ITGA11: variants seen among roughly 807,000 people sequenced by gnomAD.
ITGA11 encodes the protein integrin alpha-11.
ITGA11 carries 97 observed loss-of-function variants against 141.9 expected under a neutral mutation model. The ratio of observed to expected loss-of-function variants is 0.68; its 90% CI spans 0.58 to 0.81. ITGA11 has a LOEUF of 0.81. ITGA11 is among the 30% of genes least tolerant of loss of function. The probability of loss-of-function intolerance (pLI) is 0.00; values close to 1 mark genes in which losing one functional copy is unlikely to be tolerated. For synonymous variants in ITGA11, 658 were observed against 624.6 expected (o/e 1.05, Z -0.80); for missense variants, 1,387 against 1,559.2 (o/e 0.89, Z 1.86).
rs751189025 is a variant in ITGA11 at position 68,369,254 on chromosome 15, A to C, written c.195T>G (p.Asn65Lys). 1 of 1,613,756 alleles carries C rather than the reference A, an allele frequency of 6.2e-7. No homozygotes were observed. Among genetic ancestry groups the C allele is most frequent in the Non-Finnish European group, 8.5e-7 (1 of 1,179,846 alleles). Reference sequence around the variant, plus strand: ...ACACGTCTCCCGTCTTCTGGTAGCCATTGGTTTCCAGTGGGGCGCCCACGA... The same window carrying C: ...ACACGTCTCCCGTCTTCTGGTAGCCCTTGGTTTCCAGTGGGGCGCCCACGA... ...WLVVGAPLET[N>K]GYQKTGDVYK... The change falls in exon 3 of 30, where the codon AAT (asparagine) becomes AAG (lysine). Residue 65 changes from asparagine (N) to lysine (K), a missense_variant. By Grantham distance (94) the Asn-to-Lys change is moderately conservative. Transcript: ENST00000315757.
intron 2 of ITGA11, among the ~76,000 whole-genome samples, chr15:68,370,921 C>T (rs1595881863): frequency 6.6e-6 from 1 of 152,178 alleles, no homozygotes; most frequent in Non-Finnish European, 1.5e-5. Flanking sequence ...CCATTGCTCT[C>T]CCTGCCCCGG....
At chr15:68,340,745 C>T (rs887763816) in intron 10 of ITGA11, 1 of 152,238 alleles carries the variant, frequency 6.6e-6, no homozygotes, top group Non-Finnish European at 1.5e-5. Context: ...GGTCCACTCA[C>T]CCTCTCTCTC....
In ITGA11 at chr15:68,307,320, C is replaced by T. The variant is rs776198591; in HGVS notation, c.3381+28G>A. The T allele has an allele frequency of 3.3e-6, 5 of 1,511,180 alleles. No individual in the cohort carries two copies. The highest frequency in any genetic ancestry group is 4.5e-6 in the Non-Finnish European group (5 of 1,110,708). The allele number at this position is 1,511,180 out of a possible 1,614,324, so 93.6% of individuals were successfully genotyped here. A position where few individuals can be genotyped will look rare whatever the true frequency, so the allele number is the denominator to read the frequency against. The stretch of plus-strand genomic sequence containing the variant: ...TTTCCCAAGCTGTCCGGCCTAAGCC[C>T]AGTTCTGCAGGGCTCCCAGGGGCTC... On this transcript the variant is annotated intron_variant, in intron 28 of 29. Coordinates refer to ENST00000315757, the MANE Select transcript of ITGA11 (RefSeq NM_001004439.2). The surrounding 1 kb of genome is among the most constrained non-coding windows in gnomAD (Gnocchi z 6.1).
intron 22 of ITGA11, 129 bp from the exon 23 acceptor site, chr15:68,313,997 A>G: frequency 1.5e-6 from 1 of 685,594 alleles, no homozygotes; most frequent in Non-Finnish European, 2.6e-6. Flanking sequence ...GACAGGCCAG[A>G]CAGGGAACCT....
In ITGA11 at chr15:68,303,268, C is replaced by A; in HGVS notation, c.3496-138G>T. 1 of 725,664 alleles carries A rather than the reference C, an allele frequency of 1.4e-6. No individual in the cohort carries two copies. The highest frequency in any genetic ancestry group is 2.3e-6 in the Non-Finnish European group (1 of 427,374). The allele number at this position is 725,664 out of a possible 1,614,324, so 45.0% of individuals were successfully genotyped here. ...ACCCCCAGCTCATTCTGAGCACCCC[C>A]TCCTCCAGAACTGCCTCTGTGGACT... On this transcript the variant is annotated intron_variant, in intron 29 of 29. Coordinates refer to ENST00000315757, the MANE Select transcript of ITGA11 (RefSeq NM_001004439.2). The surrounding 1 kb of genome is among the most constrained non-coding windows in gnomAD (Gnocchi z 5.3).
intron 5 of ITGA11, 138 bp from the exon 6 acceptor site, chr15:68,358,723 G>C: frequency 1.0e-6 from 1 of 956,192 alleles, no homozygotes; most frequent in Non-Finnish European, 1.5e-6. Context: ...ACTGTCCTTG[G>C]GTTGGACATT....
intron 6 of ITGA11, among the ~76,000 whole-genome samples, chr15:68,357,757 G>A (rs1895114793): frequency 6.6e-6 from 1 of 152,068 alleles, no homozygotes; most frequent in African/African-American, 2.4e-5. Flanking sequence ...TAAACAAAAA[G>A]CTTCAAGACC....
intron 24 of ITGA11, among the ~76,000 whole-genome samples, 177 bp from the exon 25 acceptor site, chr15:68,311,580 G>T (rs1391753801): frequency 1.3e-5 from 2 of 152,198 alleles, no homozygotes; most frequent in Non-Finnish European, 2.9e-5. Context: ...TCAAATTGTG[G>T]CCGGGGACTG....
intron 20 of ITGA11, 87 bp downstream of exon 20, chr15:68,320,098 A>T: frequency 8.5e-7 from 1 of 1,176,270 alleles, no homozygotes; most frequent in South Asian, 1.3e-5. Context: ...CTTTCTTGTG[A>T]TTCCAACATG....
chr15:68,406,099 G>A (rs921847065), intron 1 of ITGA11, among the ~76,000 whole-genome samples: 3 of 152,092 alleles, frequency 2.0e-5, no homozygotes, highest in Non-Finnish European at 4.4e-5. Context: ...GGCCTGCAGA[G>A]GGGTGAGGGC....
chr15:68,320,841 T>G (rs1893782340), intron 19 of ITGA11, among the ~76,000 whole-genome samples: 1 of 152,234 alleles, frequency 6.6e-6, no homozygotes, highest in Non-Finnish European at 1.5e-5. Context: ...GTATATATGT[T>G]TTCTATCTAA....
chr15:68,369,393 A>AGGGGGGGGG, intron 2 of ITGA11, 109 bp from the exon 3 acceptor site: 1 of 133,056 alleles, frequency 7.5e-6, no homozygotes. Context: ...GGAGGGTGGG[A>AGGGGGGGGG]GGGAACCCTG....
In ITGA11 at chr15:68,398,644, T is replaced by G. The variant is rs138717749; in HGVS notation, c.164+4274A>C. Among the ~76,000 whole-genome samples the G allele has an allele frequency of 3.5e-3, 524 of 147,914 alleles. 3 individuals carry two copies. The highest frequency in any genetic ancestry group is 0.012 in the African/African-American group (507 of 40,782). On this transcript the variant is annotated intron_variant, in intron 2 of 29. Coordinates refer to ENST00000315757, the MANE Select transcript of ITGA11 (RefSeq NM_001004439.2). ...TTTTTATGGTATAAAATGAATAGTA[T>G]AAAATGAAATAAAAATATTTTATTT...
chr15:68,370,803 G>A (rs546427867), intron 2 of ITGA11, among the ~76,000 whole-genome samples: 22 of 152,302 alleles, frequency 1.4e-4, no homozygotes, highest in African/African-American at 5.1e-4. Context: ...CCCACTGCCT[G>A]GTGACATGGC....
chr15:68,391,193 G>C (rs935740409), intron 2 of ITGA11, among the ~76,000 whole-genome samples: 4 of 152,254 alleles, frequency 2.6e-5, no homozygotes, highest in African/African-American at 9.6e-5. Flanking sequence ...ATTCTGGAGG[G>C]GGCTCAGCTC....
intron 10 of ITGA11, 126 bp downstream of exon 10, chr15:68,348,700 AAGAG>A: frequency 1.3e-6 from 1 of 754,424 alleles, no homozygotes; most frequent in East Asian, 2.7e-5. Flanking sequence ...GACCCCAAGA[AAGAG>A]AGAAAGTGAG....
chr15:68,304,005 C>T lies in ITGA11; in HGVS notation c.3382-120G>A, dbSNP rs536618289. 2 of 625,536 alleles carry T rather than the reference C, an allele frequency of 3.2e-6. No homozygotes were observed. The highest frequency in any genetic ancestry group is 2.5e-5 in the Admixed American group (1 of 39,654). 38.7% of individuals were successfully genotyped at this position (625,536 alleles called of 1,614,324 possible). On this transcript the variant is annotated intron_variant, in intron 28 of 29. Transcript: ENST00000315757. This position sits in a 1 kb window ranked among gnomAD's most constrained non-coding sequence, Gnocchi z 6.1. Reference sequence around the variant, plus strand: ...GGTGGGGGAGCTGCATCCTCTTCCTCAGGGGGATACCAGAGGGATGGGTGG... The same window carrying T: ...GGTGGGGGAGCTGCATCCTCTTCCTTAGGGGGATACCAGAGGGATGGGTGG...
chr15:68,404,544 C>A (rs1032160242), intron 1 of ITGA11, among the ~76,000 whole-genome samples: 1 of 152,170 alleles, frequency 6.6e-6, no homozygotes, highest in African/African-American at 2.4e-5. Flanking sequence ...CTCACATCTG[C>A]CATCATTTGC....
chr15:68,415,728 C>T (rs1896872719), intron 1 of ITGA11, among the ~76,000 whole-genome samples: 3 of 152,182 alleles, frequency 2.0e-5, no homozygotes, highest in Non-Finnish European at 2.9e-5. Flanking sequence ...TGAAAAAGAA[C>T]ACACCAGGAA....
Sources: allele counts gnomAD v4.1 joint callset (sites outside exome capture counted in the v4.1 genomes callset), GRCh38; gene constraint gnomAD v4.1.1; non-coding constraint Gnocchi (gnomAD v3.1); transcripts MANE v1.5; gene names NCBI Gene and HGNC (gene_info 2026-07-23, HGNC 2026-07-21).